Variants in TBX4 observed in about 807,000 individuals in gnomAD.
TBX4 encodes T-box transcription factor TBX4.
Under a neutral mutation model 54.6 loss-of-function variants are expected in TBX4, and 13 were observed. The observed-to-expected ratio is 0.24, with a 90% CI of 0.15 to 0.38. TBX4 has a LOEUF of 0.38. Among genes scored for constraint, TBX4 ranks in the 10% least tolerant of loss-of-function variants. TBX4 has a pLI of 1.00. For synonymous variants in TBX4, 314 were observed against 306.7 expected, an observed-to-expected ratio of 1.02 and a Z score of -0.25; for missense variants, 631 against 728.5, an observed-to-expected ratio of 0.87 and a Z score of 1.54.
Position 61,462,385 on chromosome 17 carries a change from G to T in TBX4, c.282-3434G>T, listed in dbSNP as rs2060501401. 6.6e-6 allele frequency among the ~76,000 whole-genome samples: 1 copy of T among 151,396 alleles called. No homozygotes were observed. The highest frequency in any genetic ancestry group is 2.1e-4 in the South Asian group (1 of 4,756). ...AGCCCCCATCTGTCTGGGGGCGCGG[G>T]AGCCCGACGGCGCGAGGGGAACTGG... On this transcript the variant is annotated intron_variant, in intron 3 of 8. Transcript: ENST00000644296. The surrounding 1 kb of genome is among the most constrained non-coding windows in gnomAD (Gnocchi z 4.5).
At position 61,472,875 on chromosome 17, in the gene TBX4, T is replaced by A. The variant is rs1162315123; in HGVS notation, c.549+5218T>A. On this transcript the variant is annotated intron_variant, in intron 5 of 8. Coordinates refer to ENST00000644296, the MANE Select transcript of TBX4 (RefSeq NM_001321120.2). This position sits in a 1 kb window ranked among gnomAD's most constrained non-coding sequence, Gnocchi z 4.5. ...CTTTCCTCCCCTGGTTGAGGTGCCT[T>A]ATTTCTGAACACTAAATCCCTATAT... is the stretch of plus-strand genomic sequence containing the variant. Among the ~76,000 whole-genome samples the A allele has an allele frequency of 1.3e-5, 2 of 152,060 alleles. No individual in the cohort carries two copies. Among genetic ancestry groups the A allele is most frequent in the Non-Finnish European group, 2.9e-5 (2 of 68,022 alleles).
intron 1 of TBX4, among the ~76,000 whole-genome samples, chr17:61,455,231 C>A (rs999162392): frequency 1.3e-5 from 2 of 152,184 alleles, no homozygotes; most frequent in African/African-American, 2.4e-5. Flanking sequence ...AGTCTAAGCC[C>A]GGGATGAGGA....
At chr17:61,455,019 G>A (rs1427920392) in intron 1 of TBX4, among the ~76,000 whole-genome samples, 1 of 152,188 alleles carries the variant, frequency 6.6e-6, no homozygotes, top group Non-Finnish European at 1.5e-5. Flanking sequence ...TCCGAGGCTC[G>A]GCCCGCGTTC....
chr17:61,482,798 C>T (rs948134656), intron 8 of TBX4, 99 bp from the exon 9 acceptor site: 50 of 1,548,636 alleles, frequency 3.2e-5, no homozygotes, highest in Non-Finnish European at 3.6e-5. Context: ...GGAGGGCGGG[C>T]GCAGAGGGAC....
chr17:61,456,763 C>T (rs1603248306), intron 2 of TBX4, 87 bp downstream of exon 2: 2 of 1,093,626 alleles, frequency 1.8e-6, no homozygotes, highest in East Asian at 3.5e-5. Context: ...CGATTGTCGG[C>T]AGGACTCGCT....
intron 4 of TBX4, among the ~76,000 whole-genome samples, chr17:61,466,224 C>A (rs2060536752): frequency 6.6e-6 from 1 of 152,170 alleles, no homozygotes; most frequent in Non-Finnish European, 1.5e-5. Flanking sequence ...GTAGTCAGGA[C>A]TTGGTAACTA....
chr17:61,467,564 G>A lies in TBX4; in HGVS notation c.456G>A (p.Pro152=), dbSNP rs375043323. The A allele has an allele frequency of 4.3e-5, 69 of 1,614,164 alleles. 1 individual carries two copies. Among genetic ancestry groups the A allele is most frequent in the South Asian group, 4.0e-4 (36 of 91,086 alleles). ...PAMPGRLYVH[P]DSPATGAHWM... ...TGCCAGGAAGGCTGTATGTCCACCC[G>A]GATTCTCCTGCCACAGGAGCCCACT... The change falls in exon 5 of 9, where the codon CCG becomes CCA. Residue 152 remains proline, a synonymous_variant. Transcript: ENST00000644296.
chr17:61,456,471 G>C lies in TBX4; in HGVS notation c.-3-17G>C. ...TGTGGACCTGGGCGAGTGACTCGTT[G>C]TGTGCTGTGCCCGCAGGAGATGCTG... is the stretch of plus-strand genomic sequence containing the variant. On this transcript the variant is annotated splice_polypyrimidine_tract_variant and intron_variant, in intron 1 of 8. Coordinates refer to ENST00000644296, the MANE Select transcript of TBX4 (RefSeq NM_001321120.2). The C allele has an allele frequency of 6.4e-7, 1 of 1,561,310 alleles. No homozygotes were observed. The highest frequency in any genetic ancestry group is 1.2e-5 in the South Asian group (1 of 84,706).
Position 61,458,071 on chromosome 17 carries a change from G to A in TBX4, c.281+440G>A, listed in dbSNP as rs187224561. ...TCAGTTTTCATACATTTTCGTGAGT[G>A]ACTCGAACCCCAAGTTTTTCATCCC... On this transcript the variant is annotated intron_variant, in intron 3 of 8. Transcript: ENST00000644296. Among the ~76,000 whole-genome samples, 524 of 151,958 alleles carry A rather than the reference G, an allele frequency of 3.4e-3. 5 individuals carry two copies. The highest frequency in any genetic ancestry group is 6.4e-3 in the Admixed American group (98 of 15,278).
intron 3 of TBX4, chr17:61,463,318 A>AGC (rs1030391614): frequency 6.6e-6 from 1 of 152,378 alleles, no homozygotes; most frequent in African/African-American, 2.4e-5. Context: ...TCGGCTTCTG[A>AGC]GCGCTGCTGC....
Position 61,460,885 on chromosome 17 carries a change from T to A in TBX4, c.281+3254T>A, listed in dbSNP as rs2060490274. On this transcript the variant is annotated intron_variant, in intron 3 of 8. Transcript: ENST00000644296. The surrounding 1 kb of genome is among the most constrained non-coding windows in gnomAD (Gnocchi z 4.4). ...GTTGCTTGTGTTAGTGACAGTGAATTTGCGTTTGAAAAATGAACTACCGAT... is the reference window on the plus strand; with the variant it reads ...GTTGCTTGTGTTAGTGACAGTGAATATGCGTTTGAAAAATGAACTACCGAT... 6.6e-6 allele frequency among the ~76,000 whole-genome samples: 1 copy of A among 152,184 alleles called. No homozygotes were observed. The highest frequency in any genetic ancestry group is 2.1e-4 in the South Asian group (1 of 4,826).
At position 61,478,509 on chromosome 17, in the gene TBX4, C is replaced by G; in HGVS notation, c.550-118C>G. 2 of 1,432,474 alleles carry G rather than the reference C, an allele frequency of 1.4e-6. No individual in the cohort carries two copies. Among genetic ancestry groups the G allele is most frequent in the South Asian group, 2.3e-5 (2 of 85,642 alleles). 88.7% of individuals were successfully genotyped at this position (1,432,474 alleles called of 1,614,324 possible). A position where few individuals can be genotyped will look rare whatever the true frequency, so the allele number is the denominator to read the frequency against. ...AGCTCCAGTCCTGGTCGGTAGGCCCCGGATCCTGGGCTTTGAGGAGAATGA... is the reference window on the plus strand; with the variant it reads ...AGCTCCAGTCCTGGTCGGTAGGCCCGGGATCCTGGGCTTTGAGGAGAATGA... On this transcript the variant is annotated intron_variant, in intron 5 of 8. Coordinates refer to ENST00000644296, the MANE Select transcript of TBX4 (RefSeq NM_001321120.2). The surrounding 1 kb of genome is among the most constrained non-coding windows in gnomAD (Gnocchi z 7.4).
rs769524755 is a variant in TBX4, at chr17:61,478,814, T to C, written c.702+35T>C. 6.2e-7 allele frequency: 1 copy of C among 1,613,930 alleles called. No individual in the cohort carries two copies. Among genetic ancestry groups the C allele is most frequent in the South Asian group, 1.1e-5 (1 of 91,068 alleles). The stretch of plus-strand genomic sequence containing the variant: ...CTGCCCCACTGCCCCACAGCCCCAC[T>C]TAACACCACCCTGCGTTCTCTTCCA... On this transcript the variant is annotated intron_variant, in intron 6 of 8. Coordinates refer to ENST00000644296, the MANE Select transcript of TBX4 (RefSeq NM_001321120.2). The surrounding 1 kb of genome is among the most constrained non-coding windows in gnomAD (Gnocchi z 7.4).
rs1013044491 is a variant in TBX4, at chr17:61,466,663, G to A, written c.401+725G>A. On this transcript the variant is annotated intron_variant, in intron 4 of 8. Transcript: ENST00000644296. Reference sequence around the variant, plus strand: ...AGAGCTGGAGAGATTGGGCCGAGCAGGCAGGATTTGGTGGCCACGTCCTGG... The same window carrying A: ...AGAGCTGGAGAGATTGGGCCGAGCAAGCAGGATTTGGTGGCCACGTCCTGG... Among the ~76,000 whole-genome samples, 33 of 152,248 alleles carry A rather than the reference G, an allele frequency of 2.2e-4. 1 individual carries two copies. The highest frequency in any genetic ancestry group is 7.5e-4 in the African/African-American group (31 of 41,458).
chr17:61,480,425 C>A lies in TBX4; in HGVS notation c.1021+106C>A. The A allele has an allele frequency of 5.9e-6, 6 of 1,019,056 alleles. No individual in the cohort carries two copies. The highest frequency in any genetic ancestry group is 8.9e-6 in the Non-Finnish European group (6 of 677,000). The allele number at this position is 1,019,056 out of a possible 1,614,324, so 63.1% of individuals were successfully genotyped here. ...CCCCCCAACACACACACACTCATCTCGTGCTTGTGTGGCCTGGGAGAGTGG... is the reference window on the plus strand; with the variant it reads ...CCCCCCAACACACACACACTCATCTAGTGCTTGTGTGGCCTGGGAGAGTGG... On this transcript the variant is annotated intron_variant, in intron 8 of 8. Coordinates refer to ENST00000644296, the MANE Select transcript of TBX4 (RefSeq NM_001321120.2). This position sits in a 1 kb window ranked among gnomAD's most constrained non-coding sequence, Gnocchi z 6.2.
intron 8 of TBX4, 42 bp from the exon 9 acceptor site, chr17:61,482,855 C>A: frequency 6.2e-7 from 1 of 1,607,812 alleles, no homozygotes; most frequent in African/African-American, 1.3e-5. Context: ...GGGGCCTGGG[C>A]TGGTGGAAAT....
rs2060640218 is a variant in TBX4, at chr17:61,478,733, T to G, written c.656T>G (p.Phe219Cys). ...SKNTAFCTHV[F>C]PETSFISVTS... ...AACACTGCTTTCTGCACCCACGTGTTCCCAGAGACCTCCTTCATCTCTGTG... is the reference window on the plus strand; with the variant it reads ...AACACTGCTTTCTGCACCCACGTGTGCCCAGAGACCTCCTTCATCTCTGTG... Residue 219 changes from phenylalanine (F) to cysteine (C), a missense_variant, in exon 6 of 9, where the codon TTC (phenylalanine) becomes TGC (cysteine). Transcript: ENST00000644296. The surrounding 1 kb of genome is among the most constrained non-coding windows in gnomAD (Gnocchi z 7.4). 2 of 1,614,174 alleles carry G rather than the reference T, an allele frequency of 1.2e-6. No homozygotes were observed. The highest frequency in any genetic ancestry group is 1.7e-6 in the Non-Finnish European group (2 of 1,180,016).
rs2143802919 is a variant in TBX4 at position 61,459,776 on chromosome 17, C to G, written c.281+2145C>G. 6.6e-6 allele frequency among the ~76,000 whole-genome samples: 1 copy of G among 152,304 alleles called. No homozygotes were observed. Among genetic ancestry groups the G allele is most frequent in the Non-Finnish European group, 1.5e-5 (1 of 68,038 alleles). On this transcript the variant is annotated intron_variant, in intron 3 of 8. Coordinates refer to ENST00000644296, the MANE Select transcript of TBX4 (RefSeq NM_001321120.2). The surrounding 1 kb of genome is among the most constrained non-coding windows in gnomAD (Gnocchi z 4.8). The stretch of plus-strand genomic sequence containing the variant: ...CAATTATGGATCCATCACAGCCTTT[C>G]ACTTCTCTGGCAGAAAGTTATCCTT...
rs566238500 is a variant in TBX4, at chr17:61,479,982, A to G, written c.791+13A>G. On this transcript the variant is annotated intron_variant, in intron 7 of 8. Transcript: ENST00000644296. The surrounding 1 kb of genome is among the most constrained non-coding windows in gnomAD (Gnocchi z 6.1). The stretch of plus-strand genomic sequence containing the variant: ...CCCGACTGCAGAGGTGGGGCTGCGT[A>G]GCCTGGGGGTGGGGCGGGCAGATGG... 2.4e-5 allele frequency: 39 copies of G among 1,613,852 alleles called. No individual in the cohort carries two copies. The South Asian group carries it at 4.1e-4, about 17-fold the overall frequency.
Sources: allele counts gnomAD v4.1 joint callset (sites outside exome capture counted in the v4.1 genomes callset), GRCh38; gene constraint gnomAD v4.1.1; non-coding constraint Gnocchi (gnomAD v3.1); transcripts MANE v1.5; gene names NCBI Gene and HGNC (gene_info 2026-07-23, HGNC 2026-07-21).